PNCK: variants seen among roughly 807,000 people sequenced by gnomAD.
PNCK encodes the protein pregnancy up-regulated nonubiquitous CaM kinase.
A neutral mutation model predicts 28.3 loss-of-function variants in PNCK; 21 were observed. The ratio of observed to expected loss-of-function variants is 0.74; its 90% CI spans 0.53 to 1.07. PNCK has a LOEUF of 1.07. Among genes scored for constraint, PNCK ranks in the 50% least tolerant of loss-of-function variants. The pLI, the probability that PNCK is intolerant of heterozygous loss-of-function variation, is 0.00. For synonymous variants in PNCK, 136 were observed against 125.2 expected, an observed-to-expected ratio of 1.09 and a Z score of -0.58; for missense variants, 250 against 298.3, an observed-to-expected ratio of 0.84 and a Z score of 1.19.
chrX:153,670,122 G>A lies in PNCK; in HGVS notation c.*16C>T, dbSNP rs1025055786. ...TCTGGGGGTCAGTCCACTTGGCCTC[G>A]GCATCTGCCTGAGAGGGAGAAGCAG... On this transcript the variant is annotated 3_prime_UTR_variant, in exon 12 of 12. Transcript: ENST00000340888. 10 of 331,197 alleles carry A rather than the reference G, an allele frequency of 3.0e-5. No homozygotes were observed. The highest frequency in any genetic ancestry group is 4.4e-5 in the Non-Finnish European group (8 of 182,888). The allele number at this position is 331,197 out of a possible 1,213,427, so 27.3% of individuals were successfully genotyped here.
At position 153,672,997 on chromosome X, in the gene PNCK, G is replaced by T. The variant is rs782090013; in HGVS notation, c.68+12C>A. The T allele has an allele frequency of 8.5e-7, 1 of 1,172,885 alleles. No individual in the cohort carries two copies. ...CACACACACACGATCACACACGCGC[G>T]CGCACACTCACGAGCCGAGCCTCTC... is the stretch of plus-strand genomic sequence containing the variant. On this transcript the variant is annotated intron_variant, in intron 2 of 11. Transcript: ENST00000340888.
At chrX:153,680,550 A>AT (rs201273162) in intron 1 of PNCK, among the ~76,000 whole-genome samples, 17 of 106,831 alleles carry the variant, frequency 1.6e-4, no homozygotes, top group South Asian at 7.9e-4. Flanking sequence ...CCAGCCTCAG[A>AT]TTTTTTTTTT....
At chrX:153,676,583 G>A (rs1250511869), upstream of PNCK, among the ~76,000 whole-genome samples, 1 of 112,153 alleles carries the variant, frequency 8.9e-6, no homozygotes, top group Non-Finnish European at 1.9e-5. Flanking sequence ...TTAAACTTAT[G>A]CCGGGTGTGG....
chrX:153,687,559 G>T, exon 1 of PNCK: 1 of 323,411 alleles, frequency 3.1e-6, no homozygotes. Flanking sequence ...TGCCAGGAGC[G>T]GGGAGAAAGG....
At position 153,671,062 on chromosome X, in the gene PNCK, C is replaced by T; in HGVS notation, c.727+16G>A. The stretch of plus-strand genomic sequence containing the variant: ...CCCTTGCATCACCTCCAAGCACGGG[C>T]CAGCCTCAAGCTCACCTGATTCTGA... On this transcript the variant is annotated intron_variant, in intron 8 of 11. Transcript: ENST00000340888. The T allele has an allele frequency of 8.3e-7, 1 of 1,212,027 alleles. No individual in the cohort carries two copies.
In PNCK at chrX:153,671,854, G is replaced by A. The variant is rs1365078657; in HGVS notation, c.414+26C>T. 6 of 1,201,052 alleles carry A rather than the reference G, an allele frequency of 5.0e-6. No homozygotes were observed. The East Asian group carries it at 1.5e-4, about 30-fold the overall frequency. On this transcript the variant is annotated intron_variant, in intron 5 of 11. Coordinates refer to ENST00000340888, the MANE Select transcript of PNCK (RefSeq NM_001366977.1). ...GGGCCAGGTGGGCAGGTGGGAGGGT[G>A]GGGTGCAGAGGCCCCAGCCAGGCAC...
At chrX:153,673,396 C>T (rs2148342381) in intron 1 of PNCK, 1 of 839,055 alleles carries the variant, frequency 1.2e-6, no homozygotes, top group Non-Finnish European at 1.6e-6. Context: ...TCACCCACGC[C>T]GTCCCTCCCC....
At chrX:153,685,606 G>A (rs944545870) in intron 1 of PNCK, among the ~76,000 whole-genome samples, 1 of 112,671 alleles carries the variant, frequency 8.9e-6, no homozygotes, top group South Asian at 3.6e-4. Context: ...CAGGCTGTGG[G>A]CCCCGCGTGG....
chrX:153,671,805 C>T, intron 5 of PNCK, 75 bp downstream of exon 5: 3 of 1,180,484 alleles, frequency 2.5e-6, no homozygotes. Flanking sequence ...AGGCCCCAGC[C>T]GTGCTCCCGG....
chrX:153,671,814 G>C, intron 5 of PNCK, 66 bp downstream of exon 5: 1 of 1,187,225 alleles, frequency 8.4e-7, no homozygotes. Flanking sequence ...CCGTGCTCCC[G>C]GGAAAACAAA....
Position 153,671,806 on chromosome X carries a change from G to C in PNCK, c.414+74C>G, listed in dbSNP as rs975441933. 3.2e-5 allele frequency: 38 copies of C among 1,179,889 alleles called. No homozygotes were observed. In the African/African-American group the frequency reaches 5.9e-4, roughly 18 times the overall value. ...CAGGAGATCAAGAAAGGCCCCAGCC[G>C]TGCTCCCGGGAAAACAAAGGCAGGG... is the stretch of plus-strand genomic sequence containing the variant. On this transcript the variant is annotated intron_variant, in intron 5 of 11. Coordinates refer to ENST00000340888, the MANE Select transcript of PNCK (RefSeq NM_001366977.1).
intron 1 of PNCK, among the ~76,000 whole-genome samples, chrX:153,683,429 C>T (rs1197731266): frequency 9.7e-6 from 1 of 103,470 alleles, no homozygotes; most frequent in Admixed American, 1.0e-4. Context: ...CATGAGCCAC[C>T]GTGCCCAGCC....
rs782525615 is a variant in PNCK at position 153,684,590 on chromosome X, C to T, written c.-3+2841G>A. Among the ~76,000 whole-genome samples, 4 of 110,188 alleles carry T rather than the reference C, an allele frequency of 3.6e-5. No individual in the cohort carries two copies. In the East Asian group the frequency reaches 1.2e-3, roughly 32 times the overall value. ...GTGGACTCTGGCTCCCCCTTTGTTC[C>T]CAGCTTATTCTAATTCCAAAGCTCA... On this transcript the variant is annotated intron_variant, in intron 1 of 3. Transcript: ENST00000419804.
At chrX:153,677,267 C>T (rs1170852351), upstream of PNCK, among the ~76,000 whole-genome samples, 1 of 111,604 alleles carries the variant, frequency 9.0e-6, no homozygotes, top group East Asian at 2.8e-4. Flanking sequence ...CCGTTCATCA[C>T]TGCATGTGTG....
At chrX:153,677,671 ATAGT>A (rs1276542319), upstream of PNCK, among the ~76,000 whole-genome samples, 3 of 85,659 alleles carry the variant, frequency 3.5e-5, no homozygotes, top group Admixed American at 1.2e-4. Flanking sequence ...GTATATATAT[ATAGT>A]GTGTATATAT....
chrX:153,679,152 T>C (rs2091383152), upstream of PNCK, among the ~76,000 whole-genome samples: 1 of 111,469 alleles, frequency 9.0e-6, no homozygotes, highest in African/African-American at 3.3e-5. Flanking sequence ...TGTGGGGTGG[T>C]TTTTGTGTGG....
At chrX:153,679,725 C>G (rs1401284126), upstream of PNCK, among the ~76,000 whole-genome samples, 1 of 108,437 alleles carries the variant, frequency 9.2e-6, no homozygotes, top group Non-Finnish European at 1.9e-5. Context: ...GCACCCGTCA[C>G]CATGCCCAGC....
intron 11 of PNCK, 100 bp downstream of exon 11, chrX:153,670,350 G>A: frequency 9.0e-7 from 1 of 1,115,146 alleles, no homozygotes; most frequent in South Asian, 2.0e-5. Context: ...TCTGGCCTGT[G>A]GGGGCCACCC....
chrX:153,672,249 C>T (rs1422215384), intron 3 of PNCK, 49 bp from the exon 4 acceptor site: 2 of 1,132,845 alleles, frequency 1.8e-6, no homozygotes, highest in South Asian at 2.1e-5. Flanking sequence ...AAGGGGTGCT[C>T]TGTCCTGAGG....
Sources: allele counts gnomAD v4.1 joint callset (sites outside exome capture counted in the v4.1 genomes callset), GRCh38; gene constraint gnomAD v4.1.1; transcripts MANE v1.5; gene names NCBI Gene and HGNC (gene_info 2026-07-23, HGNC 2026-07-21).